The following SMOC2 variants were observed in gnomAD, a reference collection of about 807,000 sequenced individuals.
The protein encoded by SMOC2 is SPARC related modular calcium binding 2, also known as SPARC-related modular calcium-binding protein 2.
A neutral mutation model predicts 61.4 loss-of-function variants in SMOC2; 39 were observed. The observed-to-expected ratio is 0.64, with a 90% CI of 0.49 to 0.83. The LOEUF (loss-of-function observed/expected upper bound fraction) is 0.83. Ranked by LOEUF, SMOC2 falls within the 40% of genes least tolerant of loss-of-function variation. The probability of loss-of-function intolerance (pLI) is 0.00; values close to 1 mark genes in which losing one functional copy is unlikely to be tolerated. For missense variants in SMOC2, 556 were observed against 592.9 expected (o/e 0.94, Z 0.65); for synonymous variants, 247 against 239.9 (o/e 1.03, Z -0.27).
At chr6:168,498,591 C>T (rs1019730289) in intron 1 of SMOC2, among the ~76,000 whole-genome samples, 4 of 152,260 alleles carry the variant, frequency 2.6e-5, no homozygotes, top group Admixed American at 1.3e-4. Context: ...TTTCTGATCG[C>T]CCTTCCTGCT....
At chr6:168,466,763 G>A (rs995210751) in intron 1 of SMOC2, among the ~76,000 whole-genome samples, 3 of 152,250 alleles carry the variant, frequency 2.0e-5, no homozygotes, top group Admixed American at 6.5e-5. Context: ...CCGGTGGAGG[G>A]AGGAAGCGGG....
chr6:168,465,855 C>G (rs1435054632), intron 1 of SMOC2, among the ~76,000 whole-genome samples: 24 of 82,666 alleles, frequency 2.9e-4, no homozygotes, highest in East Asian at 7.2e-4. Flanking sequence ...GATGAAGCGA[C>G]GTGCTGCTCT....
intron 12 of SMOC2, chr6:168,665,100 C>T (rs1787627128): frequency 3.7e-6 from 1 of 269,002 alleles, no homozygotes; most frequent in Non-Finnish European, 7.2e-6. Context: ...CACTTGAAAA[C>T]AGGGCTGGTC....
chr6:168,522,565 T>C (rs1783353865), intron 2 of SMOC2, among the ~76,000 whole-genome samples: 1 of 152,130 alleles, frequency 6.6e-6, no homozygotes, highest in Non-Finnish European at 1.5e-5. Flanking sequence ...CTTGACAACA[T>C]CACGCTAAAT....
intron 7 of SMOC2, among the ~76,000 whole-genome samples, chr6:168,584,556 C>T (rs1411594408): frequency 1.3e-5 from 2 of 151,968 alleles, no homozygotes; most frequent in East Asian, 1.9e-4. Flanking sequence ...AAAAAGCATT[C>T]ATTAAATGCA....
At chr6:168,579,855 T>C (rs184173886) in intron 7 of SMOC2, among the ~76,000 whole-genome samples, 26 of 152,310 alleles carry the variant, frequency 1.7e-4, no homozygotes, top group Non-Finnish European at 3.7e-4. Context: ...GAGAATGGAA[T>C]CAGGGCTAAC....
At chr6:168,477,227 G>C (rs1409127245) in intron 1 of SMOC2, among the ~76,000 whole-genome samples, 3 of 152,144 alleles carry the variant, frequency 2.0e-5, no homozygotes, top group Non-Finnish European at 4.4e-5. Context: ...ATTGAGAATT[G>C]CTCAGATAGA....
At chr6:168,648,494 T>A (rs966357527) in intron 9 of SMOC2, among the ~76,000 whole-genome samples, 2 of 152,188 alleles carry the variant, frequency 1.3e-5, no homozygotes, top group Non-Finnish European at 2.9e-5. Context: ...GGGAGGCCCC[T>A]CCCAGGGAGC....
Position 168,489,153 on chromosome 6 carries a change from T to A in SMOC2, c.85-20762T>A, listed in dbSNP as rs188994941. Among the ~76,000 whole-genome samples, 9 of 148,332 alleles carry A rather than the reference T, an allele frequency of 6.1e-5. No homozygotes were observed. In the East Asian group the frequency reaches 1.8e-3, roughly 30 times the overall value. On this transcript the variant is annotated intron_variant, in intron 1 of 12. Coordinates refer to ENST00000356284, the MANE Select transcript of SMOC2 (RefSeq NM_001166412.2). ...CCCCTTGGATCACACTGTTGTAGAA[T>A]GAAATATATCAAATCGTCTGGGTCC...
chr6:168,484,591 T>G (rs1472219144), intron 1 of SMOC2, among the ~76,000 whole-genome samples: 1 of 152,190 alleles, frequency 6.6e-6, no homozygotes, highest in Non-Finnish European at 1.5e-5. Context: ...CCACTTCTGA[T>G]TATGTACCCA....
intron 9 of SMOC2, among the ~76,000 whole-genome samples, chr6:168,630,918 C>A (rs979677857): frequency 2.0e-5 from 3 of 152,134 alleles, no homozygotes; most frequent in Admixed American, 6.5e-5. Flanking sequence ...CTCTCAAAAC[C>A]CTGTCTCCTG....
chr6:168,533,849 C>T (rs1018001600), intron 4 of SMOC2, among the ~76,000 whole-genome samples: 6 of 151,894 alleles, frequency 4.0e-5, no homozygotes, highest in South Asian at 2.1e-4. Context: ...GGAAATGCAC[C>T]GAAAATTGAG....
At chr6:168,543,932 C>T (rs944170306) in intron 5 of SMOC2, among the ~76,000 whole-genome samples, 1 of 152,094 alleles carries the variant, frequency 6.6e-6, no homozygotes, top group East Asian at 1.9e-4. Context: ...GTTAGGACCC[C>T]CTGGAACCTC....
intron 7 of SMOC2, among the ~76,000 whole-genome samples, chr6:168,562,712 A>G (rs906420709): frequency 7.9e-5 from 12 of 152,168 alleles, no homozygotes; most frequent in African/African-American, 2.9e-4. Context: ...AAAATGGTGA[A>G]AGAAATGCAC....
chr6:168,508,327 G>T (rs1163060183), intron 1 of SMOC2, among the ~76,000 whole-genome samples: 4 of 152,196 alleles, frequency 2.6e-5, no homozygotes, highest in African/African-American at 9.7e-5. Context: ...CTTGGGTCAA[G>T]ATTTATCTTC....
intron 1 of SMOC2, among the ~76,000 whole-genome samples, chr6:168,477,162 A>G (rs760789864): frequency 2.6e-5 from 4 of 152,230 alleles, no homozygotes; most frequent in African/African-American, 4.8e-5. Context: ...AGATGGGCTC[A>G]GATCCTGAAA....
At chr6:168,451,573 C>CTCTCTCTCTG (rs1401157207) in intron 1 of SMOC2, among the ~76,000 whole-genome samples, 2 of 148,214 alleles carry the variant, frequency 1.3e-5, no homozygotes, top group Admixed American at 6.8e-5. Flanking sequence ...GCAGCTCGCG[C>CTCTCTCTCTG]TCTCTCTCTG....
chr6:168,626,336 C>T (rs1249017840), intron 9 of SMOC2, among the ~76,000 whole-genome samples: 2 of 152,182 alleles, frequency 1.3e-5, no homozygotes, highest in Non-Finnish European at 2.9e-5. Flanking sequence ...ATTCTGTTGC[C>T]AGCGTCTGTT....
chr6:168,613,680 G>T (rs1168288971), intron 9 of SMOC2, among the ~76,000 whole-genome samples: 24 of 127,552 alleles, frequency 1.9e-4, no homozygotes, highest in South Asian at 5.4e-4. Flanking sequence ...CCTACAGCCA[G>T]CACAGGGCCT....
Sources: gnomAD v4.1 joint callset for allele counts (sites outside exome capture counted in the v4.1 genomes callset) on GRCh38, gnomAD v4.1.1 for gene constraint, MANE v1.5 for transcripts, NCBI Gene and HGNC (gene_info 2026-07-23, HGNC 2026-07-21) for gene names.